The following AFAP1 variants were observed in gnomAD, a reference collection of about 807,000 sequenced individuals.
AFAP1 encodes the protein actin filament associated protein 1, also known as actin filament-associated protein 1.
AFAP1 carries 75 observed loss-of-function variants against 93.9 expected under a neutral mutation model. The observed-to-expected ratio is 0.80, with a 90% confidence interval of 0.66 to 0.97. The LOEUF (loss-of-function observed/expected upper bound fraction) is 0.97, where lower values mean the gene tolerates loss of function less well. Among genes scored for constraint, AFAP1 ranks in the 50% least tolerant of loss-of-function variants. The probability of loss-of-function intolerance (pLI) is 0.00; values close to 1 mark genes in which losing one functional copy is unlikely to be tolerated. For synonymous variants in AFAP1, 517 were observed against 430.7 expected (o/e 1.20, Z -2.48); for missense variants, 1,201 against 1,050.8 (o/e 1.14, Z -1.98).
intron 1 of AFAP1, among the ~76,000 whole-genome samples, chr4:7,926,721 C>A (rs1037899551): frequency 2.0e-5 from 3 of 152,152 alleles, no homozygotes; most frequent in South Asian, 2.1e-4. Context: ...GTCAGCCCAG[C>A]CATTCCCCTT....
intron 3 of AFAP1, among the ~76,000 whole-genome samples, chr4:7,865,130 T>C (rs1716257237): frequency 6.6e-6 from 1 of 152,112 alleles, no homozygotes; most frequent in Non-Finnish European, 1.5e-5. Context: ...ATCATATGTA[T>C]AGATTACACA....
chr4:7,770,292 G>A (rs997516855), intron 16 of AFAP1, among the ~76,000 whole-genome samples: 1 of 152,214 alleles, frequency 6.6e-6, no homozygotes, highest in Non-Finnish European at 1.5e-5. Context: ...AGCCATGGGG[G>A]TGGAAGAATG....
At chr4:7,787,637 C>A (rs115258722) in intron 11 of AFAP1, among the ~76,000 whole-genome samples, 3,317 of 152,264 alleles carry the variant, frequency 0.022, 128 homozygotes, top group African/African-American at 0.075. Context: ...AAGACCTGCC[C>A]GTTTAGTGGC....
At chr4:7,934,092 G>A (rs1187009740) in intron 1 of AFAP1, among the ~76,000 whole-genome samples, 2 of 152,144 alleles carry the variant, frequency 1.3e-5, no homozygotes, top group African/African-American at 2.4e-5. Context: ...CAAAACAACA[G>A]ATGATAGACT....
intron 3 of AFAP1, among the ~76,000 whole-genome samples, chr4:7,865,609 AAG>A (rs2149169030): frequency 6.6e-6 from 1 of 152,318 alleles, no homozygotes; most frequent in South Asian, 2.1e-4. Flanking sequence ...GAGAGGGAGA[AAG>A]AGGATGAATA....
In AFAP1 at chr4:7,855,526, C is replaced by T. The variant is rs1465596291; in HGVS notation, c.274G>A (p.Gly92Ser). 17 of 1,613,862 alleles carry T rather than the reference C, an allele frequency of 1.1e-5. No homozygotes were observed. In the East Asian group the frequency reaches 1.6e-4, roughly 15 times the overall value. ...PPLPTSSLPE[G>S]YYEEAVPLSP... ...AGCGGCACAGCTTCCTCATAATAAC[C>T]TTCTGGGAGGGAGGATGTTGGCAAT... Residue 92 changes from glycine to serine, a missense_variant, in exon 4 of 18, where the codon GGT (glycine) becomes AGT (serine). By Grantham distance (56) the Gly-to-Ser change is moderately conservative. Transcript: ENST00000420658.
At chr4:7,862,622 A>G (rs1715864316) in intron 3 of AFAP1, among the ~76,000 whole-genome samples, 1 of 152,218 alleles carries the variant, frequency 6.6e-6, no homozygotes, top group South Asian at 2.1e-4. Context: ...CCACAATAAA[A>G]GGAAACTTGG....
intron 4 of AFAP1, among the ~76,000 whole-genome samples, chr4:7,845,290 G>C (rs1231784022): frequency 6.6e-6 from 1 of 151,844 alleles, no homozygotes; most frequent in Non-Finnish European, 1.5e-5. Context: ...GGCATGGTAG[G>C]GCACGCCTGT....
chr4:7,864,166 C>CCAACTTCTCATCACA (rs1257426017), intron 3 of AFAP1, among the ~76,000 whole-genome samples: 6 of 151,978 alleles, frequency 3.9e-5, no homozygotes, highest in Admixed American at 6.6e-5. Flanking sequence ...CATCACAACC[C>CCAACTTCTCATCACA]ACAGGTCCTT....
At chr4:7,854,277 T>C (rs1308973640) in intron 4 of AFAP1, among the ~76,000 whole-genome samples, 1 of 152,190 alleles carries the variant, frequency 6.6e-6, no homozygotes, top group African/African-American at 2.4e-5. Flanking sequence ...ATCAGAACTA[T>C]CCCTTTTCTC....
At chr4:7,847,792 T>TCGGGGG (rs1553845869) in intron 4 of AFAP1, among the ~76,000 whole-genome samples, 1 of 36,568 alleles carries the variant, frequency 2.7e-5, no homozygotes, top group Admixed American at 2.2e-4. Flanking sequence ...TCAGGGGTAC[T>TCGGGGG]CGGGGTGGGG....
chr4:7,820,554 G>A (rs936543157), intron 6 of AFAP1, among the ~76,000 whole-genome samples: 1 of 152,172 alleles, frequency 6.6e-6, no homozygotes, highest in Non-Finnish European at 1.5e-5. Flanking sequence ...AAAACCAGGA[G>A]AGCACAGTCT....
chr4:7,775,193 G>A lies in AFAP1; in HGVS notation c.1898-290C>T. 9.6e-6 allele frequency: 3 copies of A among 312,996 alleles called. No individual in the cohort carries two copies. The South Asian group carries it at 2.1e-4, about 22-fold the overall frequency. 19.4% of individuals were successfully genotyped at this position (312,996 alleles called of 1,614,324 possible). On this transcript the variant is annotated intron_variant, in intron 14 of 17. Coordinates refer to ENST00000420658, the MANE Select transcript of AFAP1 (RefSeq NM_001134647.2). The stretch of plus-strand genomic sequence containing the variant: ...AATGGGGTAACTCAAAAAGCCTGTT[G>A]AATCAGCCAACTCAGTAAACAAACA...
At chr4:7,877,695 T>C (rs1717595177) in intron 1 of AFAP1, among the ~76,000 whole-genome samples, 1 of 152,188 alleles carries the variant, frequency 6.6e-6, no homozygotes, top group Non-Finnish European at 1.5e-5. Context: ...GAACATTTCA[T>C]AATAATAATT....
intron 10 of AFAP1, chr4:7,799,201 GC>G: frequency 1.9e-6 from 1 of 521,870 alleles, no homozygotes; most frequent in Non-Finnish European, 2.5e-6. Flanking sequence ...GCCCATCTGA[GC>G]CCAGCCCTCT....
intron 11 of AFAP1, among the ~76,000 whole-genome samples, chr4:7,787,031 C>T (rs556125689): frequency 6.6e-6 from 1 of 152,350 alleles, no homozygotes; most frequent in East Asian, 1.9e-4. Context: ...AGGTGTGCTA[C>T]TGTGGCGTAA....
intron 15 of AFAP1, 182 bp from the exon 16 acceptor site, chr4:7,773,192 C>T: frequency 2.1e-6 from 2 of 958,770 alleles, no homozygotes; most frequent in East Asian, 2.7e-5. Context: ...CCTTCTCCTA[C>T]CATTTCCCTT....
intron 11 of AFAP1, among the ~76,000 whole-genome samples, chr4:7,789,278 T>C (rs1278887726): frequency 6.6e-6 from 1 of 152,128 alleles, no homozygotes; most frequent in Non-Finnish European, 1.5e-5. Flanking sequence ...ATGCCACTTG[T>C]TACACCAAAA....
chr4:7,803,311 G>A (rs566227972), intron 9 of AFAP1, among the ~76,000 whole-genome samples: 26 of 152,252 alleles, frequency 1.7e-4, no homozygotes, highest in Non-Finnish European at 3.2e-4. Context: ...CTCTGGAGTG[G>A]TCAGGGCCCA....
Sources: gnomAD v4.1 joint callset for allele counts (sites outside exome capture counted in the v4.1 genomes callset) on GRCh38, gnomAD v4.1.1 for gene constraint, MANE v1.5 for transcripts, NCBI Gene and HGNC (gene_info 2026-07-23, HGNC 2026-07-21) for gene names.